COMMD10: variants seen among roughly 807,000 people sequenced by gnomAD.
COMMD10 encodes the protein COMM domain containing 10.
COMMD10 carries 33 observed loss-of-function variants against 28.9 expected under a neutral mutation model. That is an observed-to-expected ratio of 1.14 (90% CI 0.87 to 1.53). The LOEUF (loss-of-function observed/expected upper bound fraction) is 1.53. Among genes scored for constraint, COMMD10 ranks in the 40% most tolerant of loss-of-function variants. The pLI is 0.00. For missense variants in COMMD10, 310 were observed against 233.4 expected, an observed-to-expected ratio of 1.33 and a Z score of -2.14; for synonymous variants, 110 against 81.7, an observed-to-expected ratio of 1.35 and a Z score of -1.87.
At position 116,292,845 on chromosome 5, in the gene COMMD10, A is replaced by G. The variant is rs1217069158; in HGVS notation, c.*356A>G. The G allele has an allele frequency of 2.5e-6, 1 of 395,262 alleles. No homozygotes were observed. The highest frequency in any genetic ancestry group is 4.5e-6 in the Non-Finnish European group (1 of 224,366). 24.5% of individuals were successfully genotyped at this position (395,262 alleles called of 1,614,324 possible). ...ATAATGTATCAAGGAGCGTCCATGG[A>G]TACAAGATAAGATGTGTACCTTAGT... On this transcript the variant is annotated 3_prime_UTR_variant, in exon 7 of 7. Transcript: ENST00000274458.
intron 5 of COMMD10, among the ~76,000 whole-genome samples, chr5:116,221,508 G>T (rs1326632783): frequency 2.0e-5 from 3 of 152,194 alleles, no homozygotes. Flanking sequence ...TCTTGGCTAT[G>T]TAGTTACTCA....
intron 5 of COMMD10, among the ~76,000 whole-genome samples, chr5:116,264,737 T>C (rs1270467986): frequency 6.6e-6 from 1 of 151,876 alleles, no homozygotes; most frequent in African/African-American, 2.4e-5. Flanking sequence ...TGGAGAGATA[T>C]ACCATTTCTG....
At chr5:116,220,795 AGT>A (rs1749230301) in intron 5 of COMMD10, among the ~76,000 whole-genome samples, 1 of 152,194 alleles carries the variant, frequency 6.6e-6, no homozygotes, top group Non-Finnish European at 1.5e-5. Flanking sequence ...GAATCTGTAG[AGT>A]GGGTTTAAAA....
At chr5:116,133,214 G>C (rs1349412692) in intron 4 of COMMD10, among the ~76,000 whole-genome samples, 21 of 152,154 alleles carry the variant, frequency 1.4e-4, no homozygotes, top group Admixed American at 1.2e-3. Flanking sequence ...ATTGATACTT[G>C]AGATTTACAG....
At chr5:116,224,604 T>A (rs1050882529) in intron 5 of COMMD10, among the ~76,000 whole-genome samples, 1 of 152,116 alleles carries the variant, frequency 6.6e-6, no homozygotes, top group African/African-American at 2.4e-5. Context: ...AGATCTCATA[T>A]GAACTCAGAG....
intron 4 of COMMD10, among the ~76,000 whole-genome samples, chr5:116,120,349 G>A (rs1751389026): frequency 6.6e-6 from 1 of 151,938 alleles, no homozygotes; most frequent in African/African-American, 2.4e-5. Context: ...GGATTTGTGG[G>A]GCAAGGTTGG....
At chr5:116,187,318 G>A (rs1451571940) in intron 5 of COMMD10, among the ~76,000 whole-genome samples, 1 of 152,082 alleles carries the variant, frequency 6.6e-6, no homozygotes, top group Non-Finnish European at 1.5e-5. Flanking sequence ...TGAATAGATA[G>A]CAGTGGCAGT....
At chr5:116,108,682 C>G (rs1750929120) in intron 4 of COMMD10, among the ~76,000 whole-genome samples, 1 of 152,170 alleles carries the variant, frequency 6.6e-6, no homozygotes, top group Admixed American at 6.5e-5. Context: ...AGCCCCCTTT[C>G]CAGGAGAGTG....
intron 5 of COMMD10, among the ~76,000 whole-genome samples, chr5:116,281,133 C>T (rs784481): frequency 0.47 from 71,794 of 151,432 alleles, 19,065 homozygotes; most frequent in African/African-American, 0.72. Flanking sequence ...TTAATTCTTA[C>T]CTAGTTTATA....
At chr5:116,166,320 A>G (rs535961547) in intron 5 of COMMD10, among the ~76,000 whole-genome samples, 3 of 152,344 alleles carry the variant, frequency 2.0e-5, no homozygotes, top group South Asian at 2.1e-4. Context: ...AATTACAAGT[A>G]TAAGACTCTA....
chr5:116,255,603 A>G (rs901220809), intron 5 of COMMD10: 2 of 151,576 alleles, frequency 1.3e-5, no homozygotes, highest in Admixed American at 6.6e-5. Context: ...ACATTTGCTA[A>G]TATGTTGATG....
At position 116,291,582 on chromosome 5, in the gene COMMD10, T is replaced by C. The variant is rs1661310221; in HGVS notation, c.570+6T>C. ...TGTTTGATTTCTATAACAAGGTCTG[T>C]ATTTTTAAAATAATTTTCTAATATG... On this transcript the variant is annotated splice_donor_region_variant and intron_variant, in intron 6 of 6. Transcript: ENST00000274458. The C allele has an allele frequency of 6.6e-7, 1 of 1,507,936 alleles. No homozygotes were observed. The allele number at this position is 1,507,936 out of a possible 1,614,324, so 93.4% of individuals were successfully genotyped here.
At chr5:116,118,851 G>A (rs1446833240) in intron 4 of COMMD10, among the ~76,000 whole-genome samples, 2 of 152,150 alleles carry the variant, frequency 1.3e-5, no homozygotes, top group African/African-American at 4.8e-5. Context: ...GAAACAGAAT[G>A]TATTTCTCCA....
At chr5:116,225,282 TAG>T (rs1749362511) in intron 5 of COMMD10, among the ~76,000 whole-genome samples, 1 of 151,808 alleles carries the variant, frequency 6.6e-6, no homozygotes, top group South Asian at 2.1e-4. Flanking sequence ...TGAGCCCAGT[TAG>T]AGTCATTTGT....
intron 5 of COMMD10, among the ~76,000 whole-genome samples, chr5:116,167,201 C>G (rs756279089): frequency 1.3e-5 from 2 of 151,724 alleles, no homozygotes; most frequent in Non-Finnish European, 2.9e-5. Flanking sequence ...CTTCATGCAG[C>G]CTACACAAGT....
At chr5:116,140,683 A>G (rs1213535059) in intron 5 of COMMD10, among the ~76,000 whole-genome samples, 1 of 151,788 alleles carries the variant, frequency 6.6e-6, no homozygotes, top group East Asian at 1.9e-4. Context: ...GTGATATGGA[A>G]CATCTTTTCA....
At chr5:116,235,941 C>G (rs1227957597) in intron 5 of COMMD10, among the ~76,000 whole-genome samples, 3 of 152,252 alleles carry the variant, frequency 2.0e-5, no homozygotes, top group African/African-American at 7.2e-5. Flanking sequence ...GTCTGATTTT[C>G]TTTCTATAGC....
chr5:116,257,599 T>C (rs1750323175), intron 5 of COMMD10, among the ~76,000 whole-genome samples: 4 of 151,710 alleles, frequency 2.6e-5, no homozygotes, highest in Admixed American at 2.6e-4. Context: ...CTTAGAATTT[T>C]TCTTAGCAGG....
intron 5 of COMMD10, among the ~76,000 whole-genome samples, chr5:116,206,696 C>T (rs1329766630): frequency 1.3e-5 from 2 of 151,794 alleles, no homozygotes; most frequent in African/African-American, 4.8e-5. Context: ...GACAGCTGTT[C>T]ACGTATTTAA....
Sources: gnomAD v4.1 joint callset for allele counts (sites outside exome capture counted in the v4.1 genomes callset) on GRCh38, gnomAD v4.1.1 for gene constraint, MANE v1.5 for transcripts, NCBI Gene and HGNC (gene_info 2026-07-23, HGNC 2026-07-21) for gene names.